Variants in GPC3 observed in about 807,000 individuals in gnomAD.
GPC3 encodes glypican-3.
In GPC3, 3 loss-of-function variants were observed where a neutral mutation model predicts 34.4. The observed-to-expected ratio is 0.09, with a 90% confidence interval of 0.04 to 0.23. The LOEUF is 0.23. Among genes scored for constraint, GPC3 ranks in the 10% least tolerant of loss-of-function variants. The probability of loss-of-function intolerance (pLI) is 1.00; values close to 1 mark genes in which losing one functional copy is unlikely to be tolerated. For synonymous variants in GPC3, 177 were observed against 174.0 expected, an observed-to-expected ratio of 1.02 and a Z score of -0.13; for missense variants, 351 against 445.6, an observed-to-expected ratio of 0.79 and a Z score of 1.91.
intron 1 of GPC3, among the ~76,000 whole-genome samples, chrX:133,982,222 G>T (rs2076543858): frequency 8.9e-6 from 1 of 111,843 alleles, no homozygotes; most frequent in African/African-American, 3.3e-5. Context: ...AGACTTATGA[G>T]CTCATTGGCT....
At chrX:133,690,858 T>G (rs1372712295) in intron 5 of GPC3, among the ~76,000 whole-genome samples, 1 of 111,734 alleles carries the variant, frequency 8.9e-6, no homozygotes, top group Non-Finnish European at 1.9e-5. Context: ...CGATTTTGGG[T>G]CTCTTCTGTA....
intron 2 of GPC3, among the ~76,000 whole-genome samples, chrX:133,787,530 C>T (rs1049917888): frequency 1.8e-4 from 20 of 112,194 alleles, no homozygotes; most frequent in African/African-American, 6.5e-4. Flanking sequence ...TAGTCCTTTC[C>T]CTCCAACAGA....
intron 2 of GPC3, among the ~76,000 whole-genome samples, chrX:133,834,202 T>C (rs2075789353): frequency 8.9e-6 from 1 of 111,983 alleles, no homozygotes; most frequent in African/African-American, 3.2e-5. Context: ...GCATTCAAAT[T>C]GTATTTGTGG....
chrX:133,696,057 G>A (rs2071114682), intron 4 of GPC3, among the ~76,000 whole-genome samples: 1 of 111,564 alleles, frequency 9.0e-6, no homozygotes, highest in African/African-American at 3.3e-5. Context: ...GATGAGACAG[G>A]GAGAACAAAG....
chrX:133,866,056 C>T (rs1376183548), intron 2 of GPC3, among the ~76,000 whole-genome samples: 1 of 111,687 alleles, frequency 9.0e-6, no homozygotes, highest in Non-Finnish European at 1.9e-5. Context: ...TTTCCAGACA[C>T]AATCATCTGA....
chrX:133,566,622 C>T (rs1736187029), intron 7 of GPC3, among the ~76,000 whole-genome samples: 1 of 111,827 alleles, frequency 8.9e-6, no homozygotes, highest in Admixed American at 9.5e-5. Context: ...TTGAACATAA[C>T]ATACATGTAT....
At position 133,753,887 on chromosome X, in the gene GPC3, C is replaced by T. The variant is rs1297328008; in HGVS notation, c.627G>A (p.Gly209=). The change falls in exon 3 of 8, where the codon GGG becomes GGA. Residue 209 remains glycine, a synonymous_variant. Coordinates refer to ENST00000370818, the MANE Select transcript of GPC3 (RefSeq NM_004484.4). ...GGGTCATAATAAGCTTGGGGAAATT[C>T]CCAAATACTTTCAGGTCACGTCTTG... ...RGARRDLKVF[G]NFPKLIMTQV... 2.5e-6 allele frequency: 3 copies of T among 1,211,716 alleles called. No homozygotes were observed. The Admixed American group carries it at 6.5e-5, about 26-fold the overall frequency.
In GPC3 at chrX:133,546,934, T is replaced by C. The variant is rs749038041; in HGVS notation, c.1574-10641A>G. Among the ~76,000 whole-genome samples the C allele has an allele frequency of 3.6e-5, 4 of 112,216 alleles. No individual in the cohort carries two copies. The East Asian group carries it at 1.1e-3, about 31-fold the overall frequency. ...TGGAATTAACCTAAGTGTGCATCAA[T>C]AGATGAATGGATAAAGAAAATGTGG... On this transcript the variant is annotated intron_variant, in intron 7 of 7. Coordinates refer to ENST00000370818, the MANE Select transcript of GPC3 (RefSeq NM_004484.4).
intron 2 of GPC3, among the ~76,000 whole-genome samples, chrX:133,945,685 C>T (rs2076365068): frequency 9.3e-6 from 1 of 107,646 alleles, no homozygotes; most frequent in Non-Finnish European, 1.9e-5. Context: ...ACCCAGGAGG[C>T]GGATGTTGCA....
chrX:133,558,519 GAT>G (rs1034033078), intron 7 of GPC3, among the ~76,000 whole-genome samples: 5 of 110,891 alleles, frequency 4.5e-5, no homozygotes, highest in African/African-American at 1.6e-4. Flanking sequence ...TTTGGGGAAA[GAT>G]AGGGTTGAAA....
chrX:133,915,933 C>T (rs767886908), intron 2 of GPC3, among the ~76,000 whole-genome samples: 11 of 110,161 alleles, frequency 1.0e-4, no homozygotes, highest in Non-Finnish European at 2.1e-4. Context: ...TCACTTGAGG[C>T]CAGGAGTTCA....
At chrX:133,748,917 C>T (rs2071633826) in intron 3 of GPC3, among the ~76,000 whole-genome samples, 1 of 111,613 alleles carries the variant, frequency 9.0e-6, no homozygotes, top group South Asian at 3.8e-4. Context: ...AACGAGGTGG[C>T]TGGATTTGCT....
intron 7 of GPC3, among the ~76,000 whole-genome samples, chrX:133,539,097 G>A (rs1428479668): frequency 9.2e-6 from 1 of 108,513 alleles, no homozygotes; most frequent in East Asian, 3.0e-4. Context: ...AGTCCTCACT[G>A]TAGGCCAGGC....
intron 7 of GPC3, among the ~76,000 whole-genome samples, chrX:133,539,954 T>G (rs1294300493): frequency 8.9e-6 from 1 of 112,668 alleles, no homozygotes; most frequent in African/African-American, 3.2e-5. Context: ...CAAACAAAAC[T>G]AGCCTATGAT....
intron 5 of GPC3, among the ~76,000 whole-genome samples, chrX:133,689,659 C>T (rs1366466478): frequency 8.9e-6 from 1 of 112,190 alleles, no homozygotes; most frequent in African/African-American, 3.2e-5. Context: ...AATGAAGAAA[C>T]AAATATTAGT....
chrX:133,553,434 T>C (rs1035227520), intron 7 of GPC3, among the ~76,000 whole-genome samples: 2 of 112,296 alleles, frequency 1.8e-5, no homozygotes, highest in Admixed American at 1.9e-4. Context: ...CCTACTTTTT[T>C]TCTAGAAATA....
intron 4 of GPC3, among the ~76,000 whole-genome samples, chrX:133,694,686 C>T (rs1012585843): frequency 2.8e-5 from 3 of 108,944 alleles, no homozygotes; most frequent in Non-Finnish European, 5.7e-5. Context: ...CTCTCACTAA[C>T]ACCACACATG....
intron 6 of GPC3, among the ~76,000 whole-genome samples, chrX:133,645,785 T>C (rs760438896): frequency 9.1e-6 from 1 of 110,416 alleles, no homozygotes; most frequent in African/African-American, 3.3e-5. Flanking sequence ...ACTAAGACCA[T>C]AGAAAATAAA....
chrX:133,743,534 GA>G (rs1199920875), intron 3 of GPC3, among the ~76,000 whole-genome samples: 2 of 112,285 alleles, frequency 1.8e-5, no homozygotes, highest in Non-Finnish European at 3.8e-5. Flanking sequence ...ATTGTGAGTG[GA>G]TAATGCAGAA....
Sources: allele counts gnomAD v4.1 joint callset (sites outside exome capture counted in the v4.1 genomes callset), GRCh38; gene constraint gnomAD v4.1.1; transcripts MANE v1.5; gene names NCBI Gene and HGNC (gene_info 2026-07-23, HGNC 2026-07-21).